The following KIF13B variants were observed in gnomAD, a reference collection of about 807,000 sequenced individuals.
The protein encoded by KIF13B is kinesin family member 13B, also known as kinesin-like protein KIF13B.
Under a neutral mutation model 222.0 loss-of-function variants are expected in KIF13B, and 127 were observed. The ratio of observed to expected loss-of-function variants is 0.57; its 90% CI spans 0.50 to 0.66. KIF13B has a LOEUF of 0.66. KIF13B is among the 30% of genes least tolerant of loss of function. The pLI is 0.00. For synonymous variants in KIF13B, 976 were observed against 919.0 expected (o/e 1.06, Z -1.12); for missense variants, 2,173 against 2,379.0 (o/e 0.91, Z 1.80).
intron 1 of KIF13B, among the ~76,000 whole-genome samples, chr8:29,248,629 A>C (rs1322585599): frequency 6.6e-6 from 1 of 152,122 alleles, no homozygotes; most frequent in Non-Finnish European, 1.5e-5. Context: ...CCCATGATTC[A>C]TTTGTCTCCC....
At chr8:29,249,974 T>G in intron 1 of KIF13B, 1 of 1,238,006 alleles carries the variant, frequency 8.1e-7, no homozygotes, top group Non-Finnish European at 1.1e-6. Flanking sequence ...TTTTCAAACA[T>G]GCAATTTTAC....
intron 1 of KIF13B, among the ~76,000 whole-genome samples, chr8:29,259,405 A>G (rs1816602626): frequency 6.6e-6 from 1 of 152,106 alleles, no homozygotes; most frequent in Non-Finnish European, 1.5e-5. Flanking sequence ...TCCCGGTTCT[A>G]CCCCCTTAGG....
At chr8:29,149,527 G>C (rs1811207551) in intron 15 of KIF13B, among the ~76,000 whole-genome samples, 1 of 152,200 alleles carries the variant, frequency 6.6e-6, no homozygotes, top group Admixed American at 6.5e-5. Context: ...CCCCAGGTGA[G>C]ACACAGTCTT....
intron 2 of KIF13B, among the ~76,000 whole-genome samples, chr8:29,206,444 T>C (rs1255436356): frequency 1.3e-5 from 2 of 152,164 alleles, no homozygotes; most frequent in East Asian, 3.8e-4. Context: ...CTCCCAAAAT[T>C]GACTGCTTAG....
intron 1 of KIF13B, among the ~76,000 whole-genome samples, chr8:29,251,239 A>G (rs1041049796): frequency 6.6e-6 from 1 of 152,180 alleles, no homozygotes; most frequent in Non-Finnish European, 1.5e-5. Context: ...AAAAACACCT[A>G]TCAAAAATCC....
At chr8:29,256,828 C>T (rs1477916305) in intron 1 of KIF13B, among the ~76,000 whole-genome samples, 3 of 152,196 alleles carry the variant, frequency 2.0e-5, no homozygotes, top group African/African-American at 7.2e-5. Context: ...GATTTCAGCT[C>T]ACTGCAACCT....
chr8:29,158,075 T>C (rs1040602639), intron 13 of KIF13B, among the ~76,000 whole-genome samples: 1 of 152,146 alleles, frequency 6.6e-6, no homozygotes, highest in African/African-American at 2.4e-5. Flanking sequence ...GTTTCCTCCG[T>C]CTGAAATGTT....
intron 30 of KIF13B, among the ~76,000 whole-genome samples, chr8:29,117,646 C>T (rs1341802142): frequency 6.6e-6 from 1 of 152,148 alleles, no homozygotes; most frequent in Non-Finnish European, 1.5e-5. Flanking sequence ...GTCGGACTGA[C>T]TCCTCACTGT....
At chr8:29,216,110 T>C (rs1439176768) in intron 2 of KIF13B, among the ~76,000 whole-genome samples, 1 of 152,154 alleles carries the variant, frequency 6.6e-6, no homozygotes, top group Non-Finnish European at 1.5e-5. Context: ...TTTAATTGCT[T>C]TAATAATAAT....
chr8:29,199,822 A>C (rs1813613536), intron 2 of KIF13B, among the ~76,000 whole-genome samples: 1 of 152,208 alleles, frequency 6.6e-6, no homozygotes, highest in African/African-American at 2.4e-5. Context: ...CATTCTAATG[A>C]TTACCTAATA....
At chr8:29,075,409 C>A in intron 37 of KIF13B, 66 bp from the exon 38 acceptor site, 1 of 1,432,296 alleles carries the variant, frequency 7.0e-7, no homozygotes, top group Non-Finnish European at 9.5e-7. Context: ...AAGGTTTCCG[C>A]TGCACAGGCT....
Position 29,176,180 on chromosome 8 carries a change from C to G in KIF13B, c.834-1G>C. 1 of 1,580,610 alleles carries G rather than the reference C, an allele frequency of 6.3e-7. No homozygotes were observed. On this transcript the variant is annotated splice_acceptor_variant, in intron 9 of 39. Coordinates refer to ENST00000524189, the MANE Select transcript of KIF13B (RefSeq NM_015254.4). LOFTEE classifies it high-confidence loss of function. ...AACCAGACCGAGGGTTGTGAGGGAC[C>G]TGCATGGTGCAACAAACCAAAATAA...
rs1236699900 is a variant in KIF13B at position 29,140,141 on chromosome 8, C to T, written c.2535G>A (p.Gly845=). The change falls in exon 21 of 40, where the codon GGG becomes GGA. Residue 845 remains glycine (G), a synonymous_variant. Transcript: ENST00000524189. ...VEVMRLSGDV[G]ERIAGGDEVA... is the part of the protein sequence containing the mutation. ...CCTCATCGCCTCCTGCGATCCTCTC[C>T]CCAACATCACCACTGAGTCGCATCA... 3 of 1,613,736 alleles carry T rather than the reference C, an allele frequency of 1.9e-6. No individual in the cohort carries two copies. The highest frequency in any genetic ancestry group is 2.7e-5 in the African/African-American group (2 of 75,056).
At chr8:29,208,468 T>C (rs1447644472) in intron 2 of KIF13B, among the ~76,000 whole-genome samples, 1 of 152,248 alleles carries the variant, frequency 6.6e-6, no homozygotes, top group Non-Finnish European at 1.5e-5. Flanking sequence ...GAATCCATGC[T>C]ACTGTTTTTT....
intron 5 of KIF13B, among the ~76,000 whole-genome samples, chr8:29,186,776 A>G (rs1586898850): frequency 1.3e-5 from 2 of 151,616 alleles, no homozygotes; most frequent in African/African-American, 4.8e-5. Context: ...CTGGGCAACA[A>G]GGTGAAACCC....
chr8:29,252,046 TGGGAGAA>T (rs1816305982), intron 1 of KIF13B, among the ~76,000 whole-genome samples: 1 of 137,600 alleles, frequency 7.3e-6, no homozygotes, highest in Admixed American at 7.4e-5. Context: ...GGAAGGGGGA[TGGGAGAA>T]GGGGGAAGCG....
At chr8:29,213,373 C>A (rs1010643883) in intron 2 of KIF13B, among the ~76,000 whole-genome samples, 8 of 152,198 alleles carry the variant, frequency 5.3e-5, no homozygotes, top group Non-Finnish European at 1.2e-4. Context: ...CTATTATCAT[C>A]CACATTTTAT....
chr8:29,111,035 A>T (rs983121067), intron 32 of KIF13B, among the ~76,000 whole-genome samples: 4 of 152,256 alleles, frequency 2.6e-5, no homozygotes, highest in African/African-American at 9.6e-5. Context: ...ACTTTTAAAA[A>T]TTTAAATGAG....
chr8:29,125,295 C>T (rs1810059262), intron 26 of KIF13B, among the ~76,000 whole-genome samples: 1 of 152,154 alleles, frequency 6.6e-6, no homozygotes. Context: ...AATCTTACCT[C>T]ATTTCCTTTT....
Sources: allele counts gnomAD v4.1 joint callset (sites outside exome capture counted in the v4.1 genomes callset), GRCh38; gene constraint gnomAD v4.1.1; transcripts MANE v1.5; gene names NCBI Gene and HGNC (gene_info 2026-07-23, HGNC 2026-07-21).